APBB2: variants seen among roughly 807,000 people sequenced by gnomAD.
The protein encoded by APBB2 is amyloid beta precursor protein binding family B member 2.
A neutral mutation model predicts 82.5 loss-of-function variants in APBB2; 38 were observed. The ratio of observed to expected loss-of-function variants is 0.46; its 90% CI spans 0.36 to 0.60. The LOEUF (loss-of-function observed/expected upper bound fraction) is 0.60, where lower values mean the gene tolerates loss of function less well. APBB2 is among the 20% of genes least tolerant of loss of function. The probability of loss-of-function intolerance (pLI) is 0.00; values close to 1 mark genes in which losing one functional copy is unlikely to be tolerated. For synonymous variants in APBB2, 341 were observed against 368.2 expected (o/e 0.93, Z 0.85); for missense variants, 772 against 972.3 (o/e 0.79, Z 2.74).
chr4:40,874,193 C>T (rs997883197), intron 12 of APBB2, among the ~76,000 whole-genome samples: 6 of 152,302 alleles, frequency 3.9e-5, no homozygotes, highest in Middle Eastern at 3.4e-3. Flanking sequence ...ACTGCAATTG[C>T]AGGTTTAATT....
intron 1 of APBB2, among the ~76,000 whole-genome samples, chr4:41,156,996 G>A (rs146282716): frequency 0.02 from 3,061 of 150,644 alleles, 111 homozygotes; most frequent in African/African-American, 0.071. Context: ...AACCCAGGAG[G>A]CAGAGGTTGC....
At chr4:41,151,899 C>G (rs945807935) in intron 1 of APBB2, among the ~76,000 whole-genome samples, 1 of 151,948 alleles carries the variant, frequency 6.6e-6, no homozygotes, top group African/African-American at 2.4e-5. Flanking sequence ...TTATGTCATT[C>G]ATAAACTCTC....
intron 4 of APBB2, among the ~76,000 whole-genome samples, chr4:41,034,300 A>T (rs962920380): frequency 6.6e-6 from 1 of 152,136 alleles, no homozygotes; most frequent in African/African-American, 2.4e-5. Context: ...AAGTGGATCT[A>T]CAAGAGCCTA....
intron 10 of APBB2, among the ~76,000 whole-genome samples, chr4:40,932,374 CATG>C (rs1041379503): frequency 6.6e-6 from 1 of 152,150 alleles, no homozygotes; most frequent in African/African-American, 2.4e-5. Flanking sequence ...CTAGAGTGGC[CATG>C]ATATTACTGG....
At chr4:41,179,551 GAAC>G (rs1770769957) in intron 1 of APBB2, among the ~76,000 whole-genome samples, 1 of 152,058 alleles carries the variant, frequency 6.6e-6, no homozygotes, top group African/African-American at 2.4e-5. Context: ...AATTAAAATG[GAAC>G]AACAGATTTG....
At chr4:40,851,927 A>G (rs1261882545) in intron 12 of APBB2, among the ~76,000 whole-genome samples, 1 of 152,014 alleles carries the variant, frequency 6.6e-6, no homozygotes, top group Non-Finnish European at 1.5e-5. Context: ...TAGCTCTCAA[A>G]ATGCTCAGTG....
At chr4:40,884,015 G>A (rs1206466003) in intron 12 of APBB2, among the ~76,000 whole-genome samples, 2 of 152,126 alleles carry the variant, frequency 1.3e-5, no homozygotes, top group African/African-American at 4.8e-5. Flanking sequence ...GTAAGGACAG[G>A]GACCATGCCA....
At chr4:41,201,251 T>C (rs1380965148) in intron 1 of APBB2, among the ~76,000 whole-genome samples, 3 of 152,154 alleles carry the variant, frequency 2.0e-5, no homozygotes, top group Admixed American at 2.0e-4. Flanking sequence ...TTCCCAAGCC[T>C]ATCAAACTGT....
At position 40,810,892 on chromosome 4, in the gene APBB2, G is replaced by C. The variant is rs542553847; in HGVS notation, c.*5200C>G. 3.9e-5 allele frequency: 6 copies of C among 152,304 alleles called. No homozygotes were observed. The highest frequency in any genetic ancestry group is 1.4e-4 in the African/African-American group (6 of 41,564). The allele number at this position is 152,304 out of a possible 1,614,324, so 9.4% of individuals were successfully genotyped here. A position where few individuals can be genotyped will look rare whatever the true frequency, so the allele number is the denominator to read the frequency against. On this transcript the variant is annotated 3_prime_UTR_variant, in exon 18 of 18. Transcript: ENST00000508593. The stretch of plus-strand genomic sequence containing the variant: ...ATATTGTTCAGTAAAGAATCCCATT[G>C]TGTATCATAAGAATCCCTTATCCTT...
At position 40,920,524 on chromosome 4, in the gene APBB2, A is replaced by C. The variant is rs115162320; in HGVS notation, c.1254+13932T>G. ...GAGCTTAAGGAACAGAACTCCCACCACAACAACCCCACAGGGAATCAGGGG... is the reference window on the plus strand; with the variant it reads ...GAGCTTAAGGAACAGAACTCCCACCCCAACAACCCCACAGGGAATCAGGGG... On this transcript the variant is annotated intron_variant, in intron 10 of 17. Coordinates refer to ENST00000508593, the MANE Select transcript of APBB2 (RefSeq NM_004307.2). 9.5e-3 allele frequency among the ~76,000 whole-genome samples: 1,447 copies of C among 152,254 alleles called. 18 individuals are homozygous for C. Among genetic ancestry groups the C allele is most frequent in the African/African-American group, 0.033 (1,390 of 41,502 alleles).
At chr4:41,174,067 T>C (rs192617860) in intron 1 of APBB2, among the ~76,000 whole-genome samples, 88 of 152,338 alleles carry the variant, frequency 5.8e-4, no homozygotes, top group Admixed American at 5.1e-3. Context: ...TAAAATCATC[T>C]TAGTTAACAG....
At chr4:40,881,496 T>A in intron 12 of APBB2, 3 of 403,148 alleles carry the variant, frequency 7.4e-6, no homozygotes, top group Non-Finnish European at 1.0e-5. Context: ...CCATTATTCC[T>A]TTTCGCTTTC....
chr4:40,996,921 T>C (rs1195599352), intron 6 of APBB2, among the ~76,000 whole-genome samples: 2 of 152,174 alleles, frequency 1.3e-5, no homozygotes, highest in East Asian at 3.8e-4. Context: ...CTCCCAGTCT[T>C]AAAACTTGAA....
chr4:40,972,606 T>C (rs1199682246), intron 6 of APBB2, among the ~76,000 whole-genome samples: 2 of 152,332 alleles, frequency 1.3e-5, no homozygotes, highest in South Asian at 2.1e-4. Flanking sequence ...TCAATGCACA[T>C]GTGCCAGGAA....
chr4:41,054,681 C>T (rs4861086), intron 4 of APBB2, among the ~76,000 whole-genome samples: 149,019 of 152,188 alleles, frequency 0.98, 73,025 homozygotes, highest in East Asian at 1. Flanking sequence ...TACCTTGGTT[C>T]TTCTCTCTAT....
chr4:40,930,467 G>A (rs1009092164), intron 10 of APBB2, among the ~76,000 whole-genome samples: 10 of 134,006 alleles, frequency 7.5e-5, no homozygotes, highest in South Asian at 2.2e-4. Context: ...GCGCGCGCGC[G>A]TGCGCGTGCG....
chr4:40,900,963 G>T (rs1775109144), intron 10 of APBB2, among the ~76,000 whole-genome samples: 2 of 152,118 alleles, frequency 1.3e-5, no homozygotes, highest in African/African-American at 4.8e-5. Flanking sequence ...AACTGGAAGG[G>T]CATATTCGTT....
chr4:41,041,798 A>G (rs1382339448), intron 4 of APBB2, among the ~76,000 whole-genome samples: 1 of 152,204 alleles, frequency 6.6e-6, no homozygotes, highest in Non-Finnish European at 1.5e-5. Context: ...ATATGCACAG[A>G]CAGAAAAAAA....
At chr4:40,872,148 T>C (rs1488939807) in intron 12 of APBB2, among the ~76,000 whole-genome samples, 1 of 152,268 alleles carries the variant, frequency 6.6e-6, no homozygotes, top group Non-Finnish European at 1.5e-5. Context: ...CATCTTTTCC[T>C]TCTGCCACCA....
Sources: gnomAD v4.1 joint callset for allele counts (sites outside exome capture counted in the v4.1 genomes callset) on GRCh38, gnomAD v4.1.1 for gene constraint, MANE v1.5 for transcripts, NCBI Gene and HGNC (gene_info 2026-07-23, HGNC 2026-07-21) for gene names.